BAHCC1: variants seen among roughly 807,000 people sequenced by gnomAD.
The protein encoded by BAHCC1 is BAH domain and coiled-coil containing 1, also known as BAH and coiled-coil domain-containing protein 1.
In BAHCC1, 43 loss-of-function variants were observed where a neutral mutation model predicts 88.2. That is an observed-to-expected ratio of 0.49 (90% CI 0.38 to 0.63). The LOEUF is 0.63. BAHCC1 is among the 20% of genes least tolerant of loss of function. The probability of loss-of-function intolerance (pLI) is 0.00; values close to 1 mark genes in which losing one functional copy is unlikely to be tolerated. For synonymous variants in BAHCC1, 1,510 were observed against 745.5 expected, an observed-to-expected ratio of 2.03 and a Z score of -16.71; for missense variants, 3,023 against 1,654.8, an observed-to-expected ratio of 1.83 and a Z score of -14.34.
intron 2 of BAHCC1, among the ~76,000 whole-genome samples, chr17:81,419,788 CGTTTTT>C (rs2064092966): frequency 9.8e-6 from 1 of 102,310 alleles, no homozygotes. Flanking sequence ...CTCAACGAGG[CGTTTTT>C]TTTTTTTTTT....
chr17:81,462,120 C>T (rs1482726227), intron 26 of BAHCC1, 74 bp downstream of exon 26: 1 of 643,312 alleles, frequency 1.6e-6, no homozygotes, highest in African/African-American at 1.8e-5. Flanking sequence ...CCCCTGCTGC[C>T]CTTCCCTCTC....
rs1013396805 is a variant in BAHCC1, at chr17:81,435,970, A to G, written c.359-2400A>G. ...GTTTTGAGAGTATGGTCTTATTGGG[A>G]AAAAGAAAGGGGCTTTCTGTCGCTG... On this transcript the variant is annotated intron_variant, in intron 3 of 27. Coordinates refer to ENST00000675386, the MANE Select transcript of BAHCC1 (RefSeq NM_001377448.1). This position sits in a 1 kb window ranked among gnomAD's most constrained non-coding sequence, Gnocchi z 4.4. 2.0e-5 allele frequency among the ~76,000 whole-genome samples: 3 copies of G among 152,160 alleles called. No homozygotes were observed. The highest frequency in any genetic ancestry group is 4.4e-5 in the Non-Finnish European group (3 of 68,020).
intron 1 of BAHCC1, chr17:81,397,169 A>G (rs1373382751): frequency 3.9e-5 from 6 of 152,276 alleles, no homozygotes; most frequent in Admixed American, 2.0e-4. Context: ...GAACACAAAG[A>G]AAAGCTCTCT....
intron 13 of BAHCC1, 86 bp from the exon 14 acceptor site, chr17:81,452,637 C>G: frequency 1.7e-6 from 1 of 594,464 alleles, no homozygotes. Flanking sequence ...ACCCAGTAGC[C>G]CTCGAAGGCC....
At chr17:81,425,759 TTGG>T (rs1269968232) in intron 2 of BAHCC1, among the ~76,000 whole-genome samples, 3 of 96,624 alleles carry the variant, frequency 3.1e-5, no homozygotes, top group African/African-American at 1.4e-4. Context: ...TGTGATGTGG[TTGG>T]TGGTGATGTG....
At chr17:81,455,715 C>T (rs1219312020) in intron 15 of BAHCC1, among the ~76,000 whole-genome samples, 1 of 152,248 alleles carries the variant, frequency 6.6e-6, no homozygotes, top group Non-Finnish European at 1.5e-5. Context: ...CTTCAGGTGG[C>T]CCAGGGCACA....
intron 2 of BAHCC1, 96 bp downstream of exon 2, chr17:81,400,013 T>G (rs2063793962): frequency 1.9e-6 from 2 of 1,067,520 alleles, no homozygotes; most frequent in Admixed American, 4.6e-5. Flanking sequence ...AGCTTTGGTT[T>G]CATTTCCCGG....
At position 81,460,859 on chromosome 17, in the gene BAHCC1, C is replaced by G. The variant is rs184287969; in HGVS notation, c.6203-7C>G. 2.2e-3 allele frequency: 1,658 copies of G among 766,436 alleles called. 15 individuals carry two copies. In the African/African-American group the frequency reaches 0.025, roughly 12 times the overall value. 47.5% of individuals were successfully genotyped at this position (766,436 alleles called of 1,614,324 possible). ...TGGGGCTGACTCTGCTGGGCTTTTG[C>G]CCTCAGGTAAAGCCGAACTCCTAAC... On this transcript the variant is annotated splice_polypyrimidine_tract_variant and splice_region_variant and intron_variant, in intron 25 of 27. Transcript: ENST00000675386.
chr17:81,412,557 G>T (rs1443912150), intron 2 of BAHCC1, among the ~76,000 whole-genome samples: 6 of 152,172 alleles, frequency 3.9e-5, no homozygotes, highest in African/African-American at 1.4e-4. Context: ...CGTCGGCCAG[G>T]GCAGGGAGCA....
intron 4 of BAHCC1, among the ~76,000 whole-genome samples, chr17:81,441,086 C>T (rs949369229): frequency 1.3e-5 from 2 of 151,966 alleles, no homozygotes; most frequent in Non-Finnish European, 2.9e-5. Context: ...AATCCACTGC[C>T]TGCCCCGCGT....
At chr17:81,398,856 G>A (rs543734584) in intron 1 of BAHCC1, among the ~76,000 whole-genome samples, 1 of 152,090 alleles carries the variant, frequency 6.6e-6, no homozygotes, top group South Asian at 2.1e-4. Context: ...GCTGGGGAGG[G>A]GGGACCACGG....
At chr17:81,439,492 C>T (rs781903234) in intron 4 of BAHCC1, among the ~76,000 whole-genome samples, 16 of 151,122 alleles carry the variant, frequency 1.1e-4, no homozygotes, top group Non-Finnish European at 1.8e-4. Flanking sequence ...TGCTTCAGTG[C>T]AGAGGGGCTG....
In BAHCC1 at chr17:81,442,376, A is replaced by G. The variant is rs2143513489; in HGVS notation, c.1027A>G (p.Met343Val). 1.4e-6 allele frequency: 1 copy of G among 702,430 alleles called. No individual in the cohort carries two copies. The highest frequency in any genetic ancestry group is 2.6e-6 in the Non-Finnish European group (1 of 381,068). 43.5% of individuals were successfully genotyped at this position (702,430 alleles called of 1,614,324 possible). ...CAGCGAGTGCCTGGAGCGGCGGCAG[A>G]TGCTACACCACACCGCATCCTACGC... is the stretch of plus-strand genomic sequence containing the variant. ...AFSECLERRQMLHHTASYAGP... is the reference protein window; with the variant it reads ...AFSECLERRQVLHHTASYAGP... The change falls in exon 5 of 28, where the codon ATG becomes GTG. Residue 343 changes from methionine to valine, a missense_variant. By Grantham distance (21) the Met-to-Val change is conservative. Coordinates refer to ENST00000675386, the MANE Select transcript of BAHCC1 (RefSeq NM_001377448.1).
intron 3 of BAHCC1, among the ~76,000 whole-genome samples, chr17:81,436,270 C>T (rs1555651728): frequency 6.6e-6 from 1 of 152,234 alleles, no homozygotes; most frequent in African/African-American, 2.4e-5. Flanking sequence ...GGGCCACCAG[C>T]CAAGGCCCAG....
chr17:81,442,829 T>G lies in BAHCC1; in HGVS notation c.1480T>G (p.Phe494Val), dbSNP rs1555653029. 1 of 779,428 alleles carries G rather than the reference T, an allele frequency of 1.3e-6. No individual in the cohort carries two copies. The highest frequency in any genetic ancestry group is 2.4e-6 in the Non-Finnish European group (1 of 417,930). 48.3% of individuals were successfully genotyped at this position (779,428 alleles called of 1,614,324 possible). Reference sequence around the variant, plus strand: ...AAGCGGTCTGGACAAAAGCGGCTACTTCGAGTTGCCCACCTCTTCACAGGA... The same window carrying G: ...AAGCGGTCTGGACAAAAGCGGCTACGTCGAGTTGCCCACCTCTTCACAGGA... ...PKSGLDKSGY[F>V]ELPTSSQDCA... The change falls in exon 5 of 28, where the codon TTC (phenylalanine) becomes GTC (valine). Residue 494 changes from phenylalanine to valine, a missense_variant. By Grantham distance (50) the Phe-to-Val change is conservative (BLOSUM62 -1). Transcript: ENST00000675386.
At chr17:81,444,272 C>A in intron 6 of BAHCC1, 109 bp from the exon 7 acceptor site, 1 of 639,378 alleles carries the variant, frequency 1.6e-6, no homozygotes, top group South Asian at 1.7e-5. Context: ...GGCATTGGCA[C>A]CGTTGGTGGG....
At chr17:81,441,528 G>A (rs1166558801) in intron 4 of BAHCC1, among the ~76,000 whole-genome samples, 1 of 152,096 alleles carries the variant, frequency 6.6e-6, no homozygotes, top group African/African-American at 2.4e-5. Flanking sequence ...TGGGCCTGGT[G>A]GCGGGCTCCT....
chr17:81,452,897 G>C (rs1555656247), intron 14 of BAHCC1, 46 bp downstream of exon 14: 4 of 678,012 alleles, frequency 5.9e-6, no homozygotes, highest in African/African-American at 1.9e-5. Context: ...GGCCGGCCCT[G>C]GGCCCTCGAG....
At chr17:81,406,573 G>C (rs2063882105) in intron 2 of BAHCC1, among the ~76,000 whole-genome samples, 1 of 152,252 alleles carries the variant, frequency 6.6e-6, no homozygotes, top group East Asian at 1.9e-4. Context: ...GCGTGGGACC[G>C]CACTCCGCTC....
Sources: gnomAD v4.1 joint callset for allele counts (sites outside exome capture counted in the v4.1 genomes callset) on GRCh38, gnomAD v4.1.1 for gene constraint, Gnocchi (gnomAD v3.1) non-coding constraint, MANE v1.5 for transcripts, NCBI Gene and HGNC (gene_info 2026-07-23, HGNC 2026-07-21) for gene names.